The following MAGI2 variants were observed in gnomAD, a reference collection of about 807,000 sequenced individuals.
MAGI2 encodes membrane-associated guanylate kinase, WW and PDZ domain-containing protein 2.
A neutral mutation model predicts 133.3 loss-of-function variants in MAGI2; 35 were observed. The observed-to-expected ratio is 0.26, with a 90% CI of 0.20 to 0.35. The LOEUF (loss-of-function observed/expected upper bound fraction) is 0.35. MAGI2 is among the 10% of genes least tolerant of loss of function. The pLI, the probability that MAGI2 is intolerant of heterozygous loss-of-function variation, is 1.00. For synonymous variants in MAGI2, 729 were observed against 710.6 expected, an observed-to-expected ratio of 1.03 and a Z score of -0.41; for missense variants, 1,636 against 1,863.4, an observed-to-expected ratio of 0.88 and a Z score of 2.25.
intron 2 of MAGI2, among the ~76,000 whole-genome samples, chr7:78,758,336 G>A (rs373501005): frequency 1.3e-5 from 2 of 151,862 alleles, no homozygotes; most frequent in Non-Finnish European, 2.9e-5. Context: ...CATTCAATAC[G>A]TACTTGTAGT....
chr7:78,406,077 T>C (rs570544097), intron 6 of MAGI2, among the ~76,000 whole-genome samples: 1 of 152,136 alleles, frequency 6.6e-6, no homozygotes, highest in East Asian at 1.9e-4. Context: ...ATTATATGTC[T>C]AAATGACCTT....
chr7:78,185,212 G>C (rs1421530438), intron 13 of MAGI2, among the ~76,000 whole-genome samples: 1 of 151,682 alleles, frequency 6.6e-6, no homozygotes, highest in Non-Finnish European at 1.5e-5. Flanking sequence ...TTTTTGTTTG[G>C]GTACTGTCTT....
intron 3 of MAGI2, among the ~76,000 whole-genome samples, chr7:78,573,881 C>T (rs910507659): frequency 6.6e-6 from 1 of 152,046 alleles, no homozygotes; most frequent in African/African-American, 2.4e-5. Context: ...GGGTTTCAGT[C>T]TGGCTAGAGG....
intron 21 of MAGI2, among the ~76,000 whole-genome samples, chr7:78,047,563 G>T (rs1811559090): frequency 6.6e-6 from 1 of 152,152 alleles, no homozygotes; most frequent in African/African-American, 2.4e-5. Context: ...CCTTAATCTG[G>T]TAACTGCAGC....
At chr7:78,240,028 C>G (rs1210591894) in intron 10 of MAGI2, among the ~76,000 whole-genome samples, 1 of 151,490 alleles carries the variant, frequency 6.6e-6, no homozygotes, top group Non-Finnish European at 1.5e-5. Flanking sequence ...TACATGTGCA[C>G]AACGTGCAGG....
intron 1 of MAGI2, among the ~76,000 whole-genome samples, chr7:79,197,826 C>A (rs1401842204): frequency 6.6e-6 from 1 of 151,894 alleles, no homozygotes; most frequent in Non-Finnish European, 1.5e-5. Flanking sequence ...AAGGGATGAA[C>A]CTGCTCTCTC....
rs552548632 is a variant in MAGI2 at position 78,205,185 on chromosome 7, G to GC, written c.2048-3993dup. The stretch of plus-strand genomic sequence containing the variant: ...TCACTTGGTCACCCCACGCTGAAGT[G>GC]CAGTGGCGTGATCTTAGCCCACTGC... On this transcript the variant is annotated intron_variant, in intron 10 of 21. Coordinates refer to ENST00000354212, the MANE Select transcript of MAGI2 (RefSeq NM_012301.4). 5.3e-5 allele frequency among the ~76,000 whole-genome samples: 8 copies of GC among 152,290 alleles called. No homozygotes were observed. The South Asian group carries it at 1.5e-3, about 28-fold the overall frequency.
intron 2 of MAGI2, among the ~76,000 whole-genome samples, chr7:79,000,545 C>T (rs988496131): frequency 2.0e-5 from 3 of 152,128 alleles, no homozygotes; most frequent in Non-Finnish European, 4.4e-5. Context: ...TAACAGTCCT[C>T]TGTGATCATA....
intron 10 of MAGI2, among the ~76,000 whole-genome samples, chr7:78,231,773 CT>C (rs1789998146): frequency 6.6e-6 from 1 of 152,138 alleles, no homozygotes; most frequent in South Asian, 2.1e-4. Context: ...TTTGAAGGGA[CT>C]TTAGGCTGAA....
intron 2 of MAGI2, among the ~76,000 whole-genome samples, chr7:78,974,011 T>C (rs751436032): frequency 2.6e-5 from 4 of 151,826 alleles, no homozygotes; most frequent in Non-Finnish European, 5.9e-5. Flanking sequence ...TCCCTTTCAA[T>C]TTGGGATACA....
At chr7:78,800,991 C>G (rs1433764728) in intron 2 of MAGI2, among the ~76,000 whole-genome samples, 1 of 151,770 alleles carries the variant, frequency 6.6e-6, no homozygotes, top group Non-Finnish European at 1.5e-5. Flanking sequence ...TCATAGAAAC[C>G]AGGGAATATA....
intron 2 of MAGI2, among the ~76,000 whole-genome samples, chr7:78,972,052 G>A (rs1043651161): frequency 5.9e-5 from 9 of 151,868 alleles, no homozygotes; most frequent in African/African-American, 1.7e-4. Context: ...TCATAACTGC[G>A]CCTGCAGCAT....
chr7:79,405,235 T>C (rs1195782867), intron 1 of MAGI2, among the ~76,000 whole-genome samples: 1 of 152,192 alleles, frequency 6.6e-6, no homozygotes, highest in African/African-American at 2.4e-5. Context: ...AATATCCTTA[T>C]AGTATCCATT....
chr7:78,783,442 G>A (rs887075226), intron 2 of MAGI2, among the ~76,000 whole-genome samples: 2 of 152,150 alleles, frequency 1.3e-5, no homozygotes, highest in Middle Eastern at 6.3e-3. Context: ...GTCTGAAGGT[G>A]TATGTGTGTT....
At chr7:78,597,668 C>T (rs1804757264) in intron 3 of MAGI2, among the ~76,000 whole-genome samples, 1 of 152,162 alleles carries the variant, frequency 6.6e-6, no homozygotes, top group Admixed American at 6.5e-5. Context: ...CTGCTTTTAC[C>T]TAACCATGAA....
chr7:78,220,311 T>C (rs1175395155), intron 10 of MAGI2, among the ~76,000 whole-genome samples: 1 of 152,210 alleles, frequency 6.6e-6, no homozygotes, highest in African/African-American at 2.4e-5. Context: ...TTTCTCTTCC[T>C]GGTAGAACTG....
chr7:78,950,648 A>G (rs990851916), intron 2 of MAGI2, among the ~76,000 whole-genome samples: 3 of 152,150 alleles, frequency 2.0e-5, no homozygotes, highest in African/African-American at 7.2e-5. Flanking sequence ...TGGAATTTCA[A>G]TATACTATAA....
At chr7:78,252,753 AAC>A (rs1792542611) in intron 10 of MAGI2, 1 of 152,160 alleles carries the variant, frequency 6.6e-6, no homozygotes, top group Non-Finnish European at 1.5e-5. Context: ...CATCCTGGCT[AAC>A]ACAGTGAAAC....
At chr7:78,674,206 A>G (rs1266581640) in intron 2 of MAGI2, among the ~76,000 whole-genome samples, 1 of 150,370 alleles carries the variant, frequency 6.7e-6, no homozygotes, top group Non-Finnish European at 1.5e-5. Flanking sequence ...CTGCAAATAC[A>G]TGAAAAATCC....
Sources: gnomAD v4.1 joint callset for allele counts (sites outside exome capture counted in the v4.1 genomes callset) on GRCh38, gnomAD v4.1.1 for gene constraint, MANE v1.5 for transcripts, NCBI Gene and HGNC (gene_info 2026-07-23, HGNC 2026-07-21) for gene names.